Variants in MCTP2 observed in about 807,000 individuals in gnomAD.
MCTP2 encodes the protein multiple C2 and transmembrane domain-containing protein 2.
MCTP2 carries 132 observed loss-of-function variants against 111.6 expected under a neutral mutation model. The ratio of observed to expected loss-of-function variants is 1.18; its 90% CI spans 1.03 to 1.37. MCTP2 has a LOEUF of 1.37. MCTP2 is among the 40% of genes most tolerant of loss of function. MCTP2 has a pLI of 0.00. For missense variants in MCTP2, 1,183 were observed against 1,067.9 expected, an observed-to-expected ratio of 1.11 and a Z score of -1.50; for synonymous variants, 395 against 387.7, an observed-to-expected ratio of 1.02 and a Z score of -0.22.
At chr15:94,464,088 G>A (rs2085374913) in intron 20 of MCTP2, among the ~76,000 whole-genome samples, 1 of 150,542 alleles carries the variant, frequency 6.6e-6, no homozygotes, top group Admixed American at 6.6e-5. Context: ...TACAAGGTCA[G>A]GTAGGTTCTC....
chr15:94,370,051 A>C (rs963248128), intron 11 of MCTP2, 36 bp from the exon 12 acceptor site: 1 of 1,456,682 alleles, frequency 6.9e-7, no homozygotes, highest in Non-Finnish European at 9.5e-7. Context: ...TATATTAAAA[A>C]GCTGTTTTCA....
rs1204418272 is a variant in MCTP2, at chr15:94,384,062, C to G, written c.1623C>G (p.Asp541Glu). 6.2e-7 allele frequency: 1 copy of G among 1,613,892 alleles called. No individual in the cohort carries two copies. The highest frequency in any genetic ancestry group is 8.5e-7 in the Non-Finnish European group (1 of 1,179,912). ...TTTGCTTGTTGGAGTTAGGCAATGA[C>G]CGACTTCAGACGCATACCGTCTACA... ...DPFCLLELGN[D>E]RLQTHTVYKN... is the part of the protein sequence containing the mutation. The change falls in exon 13 of 23, where the codon GAC (aspartate) becomes GAG (glutamate). Residue 541 changes from aspartate (D) to glutamate (E), a missense_variant. Asp to Glu is a conservative substitution (Grantham distance 45). Coordinates refer to ENST00000357742, the MANE Select transcript of MCTP2 (RefSeq NM_001385001.1).
At chr15:94,325,515 T>G (rs2076821672) in intron 4 of MCTP2, among the ~76,000 whole-genome samples, 1 of 152,148 alleles carries the variant, frequency 6.6e-6, no homozygotes, top group Non-Finnish European at 1.5e-5. Flanking sequence ...CTCTTTTACT[T>G]CTTTTGAGAT....
At chr15:94,322,911 T>C (rs1364694419) in intron 4 of MCTP2, among the ~76,000 whole-genome samples, 5 of 152,166 alleles carry the variant, frequency 3.3e-5, no homozygotes, top group African/African-American at 9.7e-5. Context: ...TGATTGAGCA[T>C]AGGAAGTTTT....
At chr15:94,370,539 CT>C (rs1319696680) in intron 12 of MCTP2, among the ~76,000 whole-genome samples, 6 of 152,190 alleles carry the variant, frequency 3.9e-5, no homozygotes, top group Admixed American at 2.6e-4. Context: ...TTTTGCTGCT[CT>C]CTGTGCTGAA....
rs140170460 is a variant in MCTP2, at chr15:94,310,324, A to T, written c.466-3958A>T. On this transcript the variant is annotated intron_variant, in intron 2 of 22. Transcript: ENST00000357742. ...TTCTAGAGTTGGAAGATTTGACCACAGATGGGGGTCAAAGTGGAATAGCAC... is the reference window on the plus strand; with the variant it reads ...TTCTAGAGTTGGAAGATTTGACCACTGATGGGGGTCAAAGTGGAATAGCAC... Among the ~76,000 whole-genome samples, 16 of 152,354 alleles carry T rather than the reference A, an allele frequency of 1.1e-4. No individual in the cohort carries two copies. In the East Asian group the frequency reaches 3.1e-3, roughly 29 times the overall value.
intron 1 of MCTP2, among the ~76,000 whole-genome samples, chr15:94,287,097 T>C (rs1272533349): frequency 6.6e-6 from 1 of 152,242 alleles, no homozygotes. Context: ...TAGTTGAATT[T>C]GTCTCAGCAG....
At chr15:94,266,914 T>C (rs2073569393) in intron 1 of MCTP2, among the ~76,000 whole-genome samples, 1 of 152,206 alleles carries the variant, frequency 6.6e-6, no homozygotes, top group Admixed American at 6.5e-5. Flanking sequence ...GGAAGACATT[T>C]AAGAGTGGCA....
chr15:94,360,852 A>ATT (rs36116474), intron 10 of MCTP2, among the ~76,000 whole-genome samples: 42 of 147,120 alleles, frequency 2.9e-4, no homozygotes, highest in East Asian at 6.0e-4. Flanking sequence ...ATTTTAAAGA[A>ATT]TTTTTTTTTT....
In MCTP2 at chr15:94,298,692, A is replaced by G. The variant is rs759698070; in HGVS notation, c.427A>G (p.Lys143Glu). 6.8e-6 allele frequency: 11 copies of G among 1,612,690 alleles called. No homozygotes were observed. In the South Asian group the frequency reaches 1.2e-4, roughly 18 times the overall value. ...CAGCAACGGCATCTTTGATCTTCAGAAAACTTCCCTTGGAGGGGATGCACC... is the reference window on the plus strand; with the variant it reads ...CAGCAACGGCATCTTTGATCTTCAGGAAACTTCCCTTGGAGGGGATGCACC... ...VSSNGIFDLQ[K>E]TSLGGDAPEE... Residue 143 changes from lysine (K) to glutamate (E), a missense_variant, in exon 2 of 23, where the codon AAA becomes GAA. Physicochemically the swap from Lys to Glu is moderately conservative, Grantham distance 56. Transcript: ENST00000357742.
chr15:94,379,162 A>G (rs140179602), intron 12 of MCTP2, among the ~76,000 whole-genome samples: 1 of 152,134 alleles, frequency 6.6e-6, no homozygotes, highest in East Asian at 1.9e-4. Context: ...TAGGAAGCAG[A>G]AATGAGCCCT....
At chr15:94,332,947 T>C (rs74769375) in intron 4 of MCTP2, among the ~76,000 whole-genome samples, 5,631 of 152,246 alleles carry the variant, frequency 0.037, 314 homozygotes, top group African/African-American at 0.13. Context: ...ATTTATGGGC[T>C]GGGTGTGGTT....
chr15:94,323,350 A>G (rs760551089), intron 4 of MCTP2, among the ~76,000 whole-genome samples: 2 of 152,198 alleles, frequency 1.3e-5, no homozygotes, highest in African/African-American at 4.8e-5. Flanking sequence ...ACCTATGGGT[A>G]ATGAAAAATG....
At chr15:94,260,755 A>G (rs1238349237) in intron 1 of MCTP2, among the ~76,000 whole-genome samples, 1 of 152,148 alleles carries the variant, frequency 6.6e-6, no homozygotes, top group Admixed American at 6.5e-5. Flanking sequence ...AGGCCCTCCA[A>G]CCATCTGAAT....
intron 1 of MCTP2, among the ~76,000 whole-genome samples, chr15:94,291,253 A>G (rs762271464): frequency 6.6e-6 from 1 of 152,362 alleles, no homozygotes; most frequent in East Asian, 1.9e-4. Context: ...AGAAATTACC[A>G]ATATACTTTT....
intron 1 of MCTP2, among the ~76,000 whole-genome samples, chr15:94,273,083 G>C (rs796981294): frequency 5.3e-5 from 8 of 152,310 alleles, no homozygotes; most frequent in African/African-American, 1.9e-4. Flanking sequence ...CTCTAGTAGG[G>C]CTGGACTCAA....
At chr15:94,359,456 G>A (rs2078801696) in intron 10 of MCTP2, among the ~76,000 whole-genome samples, 1 of 152,136 alleles carries the variant, frequency 6.6e-6, no homozygotes, top group South Asian at 2.1e-4. Context: ...AAACACAGAT[G>A]TTGAAAGGGA....
rs866486784 is a variant in MCTP2 at position 94,377,022 on chromosome 15, A to G, written c.1582+6842A>G. 2.0e-5 allele frequency among the ~76,000 whole-genome samples: 3 copies of G among 152,228 alleles called. No homozygotes were observed. The South Asian group carries it at 6.2e-4, about 32-fold the overall frequency. On this transcript the variant is annotated intron_variant, in intron 12 of 22. Transcript: ENST00000357742. Reference sequence around the variant, plus strand: ...TAGAGTAAAAATGTTTCTGCCTTGTACTATGATACTGACTTTTGAGTTGTT... The same window carrying G: ...TAGAGTAAAAATGTTTCTGCCTTGTGCTATGATACTGACTTTTGAGTTGTT...
intron 17 of MCTP2, among the ~76,000 whole-genome samples, chr15:94,426,566 C>T (rs976736282): frequency 5.3e-5 from 8 of 152,006 alleles, no homozygotes; most frequent in African/African-American, 1.9e-4. Context: ...TCTTACAGAT[C>T]TCAGTTCTCT....
Sources: gnomAD v4.1 joint callset for allele counts (sites outside exome capture counted in the v4.1 genomes callset) on GRCh38, gnomAD v4.1.1 for gene constraint, MANE v1.5 for transcripts, NCBI Gene and HGNC (gene_info 2026-07-23, HGNC 2026-07-21) for gene names.